CLEC16A: variants seen among roughly 807,000 people sequenced by gnomAD.
CLEC16A encodes protein CLEC16A.
A neutral mutation model predicts 109.5 loss-of-function variants in CLEC16A; 51 were observed. That is an observed-to-expected ratio of 0.47 (90% CI 0.37 to 0.59). The LOEUF (loss-of-function observed/expected upper bound fraction) is 0.59, where lower values mean the gene tolerates loss of function less well. Ranked by LOEUF, CLEC16A falls within the 20% of genes least tolerant of loss-of-function variation. CLEC16A has a pLI of 0.00. For synonymous variants in CLEC16A, 673 were observed against 564.2 expected, an observed-to-expected ratio of 1.19 and a Z score of -2.73; for missense variants, 1,339 against 1,394.0, an observed-to-expected ratio of 0.96 and a Z score of 0.63.
chr16:11,025,197 G>A (rs1567211535), intron 13 of CLEC16A, among the ~76,000 whole-genome samples: 1 of 152,168 alleles, frequency 6.6e-6, no homozygotes, highest in Non-Finnish European at 1.5e-5. Context: ...TATTCACCCT[G>A]TGGTTTTCTT....
intron 5 of CLEC16A, among the ~76,000 whole-genome samples, chr16:10,972,172 A>G (rs1371949263): frequency 6.6e-6 from 1 of 152,214 alleles, no homozygotes; most frequent in Non-Finnish European, 1.5e-5. Context: ...ATCTTCCATG[A>G]TAATCTGGAT....
intron 19 of CLEC16A, among the ~76,000 whole-genome samples, chr16:11,095,817 G>GAAAAAAAAAAAAAAAAAAA: frequency 1.9e-5 from 2 of 105,876 alleles, no homozygotes; most frequent in Non-Finnish European, 3.8e-5. Flanking sequence ...GTCTCAAAAA[G>GAAAAAAAAAAAAAAAAAAA]AAAAAAAAAA....
At chr16:10,984,142 C>T (rs1316571098) in intron 10 of CLEC16A, among the ~76,000 whole-genome samples, 4 of 152,130 alleles carry the variant, frequency 2.6e-5, no homozygotes, top group Non-Finnish European at 5.9e-5. Context: ...ATTTGCTGCC[C>T]CACCTACATG....
At chr16:11,167,304 T>TC (rs1379493180) in intron 23 of CLEC16A, among the ~76,000 whole-genome samples, 1 of 151,964 alleles carries the variant, frequency 6.6e-6, no homozygotes, top group African/African-American at 2.4e-5. Context: ...CCCAGCAGCA[T>TC]CCCCCCGCCA....
At chr16:11,086,574 C>T (rs2050020908) in intron 19 of CLEC16A, among the ~76,000 whole-genome samples, 1 of 151,952 alleles carries the variant, frequency 6.6e-6, no homozygotes, top group East Asian at 1.9e-4. Context: ...CGGAGTTTTG[C>T]TCTTGTTGCC....
chr16:11,086,730 A>G (rs2050031209), intron 19 of CLEC16A, among the ~76,000 whole-genome samples: 1 of 151,976 alleles, frequency 6.6e-6, no homozygotes, highest in South Asian at 2.1e-4. Flanking sequence ...TTTAGTAGAG[A>G]TGGTGTTTCA....
At chr16:11,157,658 GT>G (rs1020556541) in intron 22 of CLEC16A, among the ~76,000 whole-genome samples, 20 of 152,312 alleles carry the variant, frequency 1.3e-4, no homozygotes, top group African/African-American at 4.8e-4. Flanking sequence ...TTTCTCTTTG[GT>G]TTTTGTGTAG....
chr16:11,140,474 C>T (rs1352908662), intron 22 of CLEC16A, among the ~76,000 whole-genome samples: 2 of 152,194 alleles, frequency 1.3e-5, no homozygotes, highest in Non-Finnish European at 2.9e-5. Flanking sequence ...AGGGAAATGT[C>T]CACGGGCTCA....
intron 19 of CLEC16A, among the ~76,000 whole-genome samples, chr16:11,100,617 C>A (rs2050861937): frequency 6.6e-6 from 1 of 152,162 alleles, no homozygotes; most frequent in African/African-American, 2.4e-5. Context: ...CGGAAGATAA[C>A]ATTAGCAGCA....
At chr16:11,003,563 A>C (rs988788672) in intron 11 of CLEC16A, among the ~76,000 whole-genome samples, 1 of 152,190 alleles carries the variant, frequency 6.6e-6, no homozygotes, top group African/African-American at 2.4e-5. Context: ...TTCCTCACCT[A>C]TTAAAGGAGG....
intron 19 of CLEC16A, among the ~76,000 whole-genome samples, chr16:11,089,043 A>G (rs1284934865): frequency 6.6e-6 from 1 of 152,068 alleles, no homozygotes; most frequent in African/African-American, 2.4e-5. Flanking sequence ...GCCTCCGTTC[A>G]GGGGAGGGGG....
chr16:11,052,308 G>C (rs1049780562), intron 18 of CLEC16A, among the ~76,000 whole-genome samples: 1 of 152,184 alleles, frequency 6.6e-6, no homozygotes, highest in Non-Finnish European at 1.5e-5. Flanking sequence ...GGAGACATGA[G>C]TATTTGTGTA....
intron 19 of CLEC16A, among the ~76,000 whole-genome samples, chr16:11,109,797 C>T (rs1348792960): frequency 6.6e-6 from 1 of 152,224 alleles, no homozygotes; most frequent in Non-Finnish European, 1.5e-5. Context: ...CTCAGCCCCT[C>T]CTGACCTCTG....
At chr16:11,052,214 T>A (rs2047984862) in intron 18 of CLEC16A, among the ~76,000 whole-genome samples, 1 of 152,042 alleles carries the variant, frequency 6.6e-6, no homozygotes, top group East Asian at 1.9e-4. Flanking sequence ...TCCTCAGGGG[T>A]GTTCATGGTA....
intron 13 of CLEC16A, among the ~76,000 whole-genome samples, chr16:11,037,312 T>C (rs150401533): frequency 6.6e-6 from 1 of 152,278 alleles, no homozygotes; most frequent in Admixed American, 6.5e-5. Flanking sequence ...CACCTGAAAG[T>C]GGTTTGAGCT....
At chr16:11,070,574 C>T (rs2049017306) in intron 19 of CLEC16A, 2 of 152,116 alleles carry the variant, frequency 1.3e-5, no homozygotes, top group African/African-American at 4.8e-5. Flanking sequence ...TGTTTTGTCC[C>T]CTAGAGTTTA....
Position 11,120,648 on chromosome 16 carries a change from C to G in CLEC16A, c.2150C>G (p.Thr717Ser). The G allele has an allele frequency of 6.2e-7, 1 of 1,613,092 alleles. No homozygotes were observed. Reference protein sequence around the residue: ...NSDLIACTVITKDGGMVQRFL... With the variant: ...NSDLIACTVISKDGGMVQRFL... The stretch of plus-strand genomic sequence containing the variant: ...GACTTGATTGCATGTACAGTGATCA[C>G]CAAGGATGGCGGCATGGTCCAGCGA... Residue 717 changes from threonine (T) to serine (S), a missense_variant, in exon 20 of 24, where the codon ACC becomes AGC. Physicochemically the swap from Thr to Ser is moderately conservative, Grantham distance 58. Around this residue, in one of 3 missense-constraint regions of CLEC16A, gnomAD observed 1,061 missense variants for 1,006.8 expected, o/e 1.05. Transcript: ENST00000409790.
chr16:10,994,608 G>T (rs1157661298), intron 10 of CLEC16A, among the ~76,000 whole-genome samples: 1 of 152,110 alleles, frequency 6.6e-6, no homozygotes, highest in Non-Finnish European at 1.5e-5. Flanking sequence ...GGAGGCTGAG[G>T]CTGGAGTATC....
intron 17 of CLEC16A, among the ~76,000 whole-genome samples, chr16:11,049,250 C>A (rs923360537): frequency 2.0e-5 from 3 of 152,136 alleles, no homozygotes; most frequent in Non-Finnish European, 4.4e-5. Flanking sequence ...TCGTGATCCG[C>A]CCGCCTTGGC....
Sources: gnomAD v4.1 joint callset for allele counts (sites outside exome capture counted in the v4.1 genomes callset) on GRCh38, gnomAD v4.1.1 for gene constraint, gnomAD v4.1.1 regional missense constraint, MANE v1.5 for transcripts, NCBI Gene and HGNC (gene_info 2026-07-23, HGNC 2026-07-21) for gene names.